Variants in FAM133A observed in about 807,000 individuals in gnomAD.
The protein encoded by FAM133A is family with sequence similarity 133 member A, also known as protein FAM133A.
For missense variants in FAM133A, 159 were observed against 164.4 expected, an observed-to-expected ratio of 0.97 and a Z score of 0.18; for synonymous variants, 65 against 58.6, an observed-to-expected ratio of 1.11 and a Z score of -0.50.
chrX:93,691,427 T>C (rs1006605233), intron 2 of FAM133A, among the ~76,000 whole-genome samples: 10 of 112,274 alleles, frequency 8.9e-5, no homozygotes, highest in African/African-American at 2.9e-4. Context: ...GAAATGTCTT[T>C]GTCCTTTTGT....
intron 3 of FAM133A, among the ~76,000 whole-genome samples, chrX:93,702,840 A>T (rs1434668916): frequency 1.1e-4 from 1 of 8,971 alleles, no homozygotes; most frequent in Non-Finnish European, 1.8e-4. Flanking sequence ...GCTATGATAA[A>T]AAAAAAAAAA....
chrX:93,697,188 T>A (rs1179393736), intron 2 of FAM133A, among the ~76,000 whole-genome samples: 412 of 44,184 alleles, frequency 9.3e-3, no homozygotes, highest in Non-Finnish European at 0.018. Context: ...TATATATATA[T>A]ATAATATATC....
At chrX:93,694,775 A>C (rs1164381039) in intron 2 of FAM133A, among the ~76,000 whole-genome samples, 3 of 110,946 alleles carry the variant, frequency 2.7e-5, no homozygotes, top group Non-Finnish European at 5.7e-5. Context: ...TGATCATTAA[A>C]AAAATCTACT....
chrX:93,690,820 A>G (rs1925837723), intron 2 of FAM133A, among the ~76,000 whole-genome samples: 2 of 111,714 alleles, frequency 1.8e-5, no homozygotes, highest in Non-Finnish European at 3.8e-5. Context: ...ATGTGGCTGT[A>G]CTATATGACA....
intron 3 of FAM133A, among the ~76,000 whole-genome samples, chrX:93,699,048 T>C (rs551721544): frequency 2.7e-5 from 3 of 111,127 alleles, no homozygotes; most frequent in Admixed American, 1.9e-4. Flanking sequence ...GAAAAGGTCT[T>C]GGGCAGAGGG....
rs760026337 is a variant in FAM133A at position 93,709,606 on chromosome X, G to GA, written c.193dup (p.Met65AsnfsTer3). On this transcript the variant is annotated frameshift_variant, in exon 4 of 4. Coordinates refer to ENST00000683942, the MANE Select transcript of FAM133A (RefSeq NM_001171109.2). LOFTEE classifies it low-confidence loss of function (END_TRUNC). ...TTCAAAAGCATTAGCTGAATTTGAAGAAAAAATGAATGAAAATTGGAAGAA... is the reference window on the plus strand; with the variant it reads ...TTCAAAAGCATTAGCTGAATTTGAAGAAAAAAATGAATGAAAATTGGAAGAA... 3 of 1,189,570 alleles carry GA rather than the reference G, an allele frequency of 2.5e-6. No homozygotes were observed. The highest frequency in any genetic ancestry group is 3.4e-6 in the Non-Finnish European group (3 of 887,728).
intron 2 of FAM133A, among the ~76,000 whole-genome samples, chrX:93,696,964 A>C (rs2147636836): frequency 9.1e-6 from 1 of 109,753 alleles, no homozygotes; most frequent in Non-Finnish European, 1.9e-5. Flanking sequence ...GGTTACAACC[A>C]GGAAGTGTAC....
intron 2 of FAM133A, among the ~76,000 whole-genome samples, chrX:93,675,510 A>C (rs927906263): frequency 3.6e-5 from 4 of 111,350 alleles, no homozygotes; most frequent in Non-Finnish European, 5.7e-5. Flanking sequence ...CCTTAAATAC[A>C]TACTATTTTC....
intron 2 of FAM133A, among the ~76,000 whole-genome samples, chrX:93,675,397 C>T (rs781088902): frequency 1.8e-5 from 2 of 111,413 alleles, no homozygotes; most frequent in Non-Finnish European, 3.8e-5. Flanking sequence ...GGCAAATGAT[C>T]GACATCTTAT....
At position 93,711,011 on chromosome X, in the gene FAM133A, A is replaced by G. The variant is rs1927415239; in HGVS notation, c.*845A>G. On this transcript the variant is annotated 3_prime_UTR_variant, in exon 4 of 4. Coordinates refer to ENST00000683942, the MANE Select transcript of FAM133A (RefSeq NM_001171109.2). ...TTCTGAAATTTTTTTTGCATGTTTT[A>G]TACTGTTAAGTTTTAATTATCTGAC... The G allele has an allele frequency of 8.1e-6, 1 of 122,827 alleles. No individual in the cohort carries two copies. The highest frequency in any genetic ancestry group is 1.9e-5 in the Non-Finnish European group (1 of 53,139). The allele number at this position is 122,827 out of a possible 1,213,427, so 10.1% of individuals were successfully genotyped here. A position where few individuals can be genotyped will look rare whatever the true frequency, so the allele number is the denominator to read the frequency against.
At chrX:93,683,666 A>G (rs928422771) in intron 2 of FAM133A, among the ~76,000 whole-genome samples, 2 of 111,484 alleles carry the variant, frequency 1.8e-5, no homozygotes, top group African/African-American at 6.5e-5. Context: ...ATGCATCATC[A>G]CCTGCATTTG....
intron 2 of FAM133A, among the ~76,000 whole-genome samples, chrX:93,681,388 G>T (rs1925147447): frequency 9.0e-6 from 1 of 110,701 alleles, no homozygotes; most frequent in South Asian, 3.7e-4. Context: ...ATTTTCTGCT[G>T]ATTTTTTTCC....
At chrX:93,700,428 G>A (rs1926616506) in intron 3 of FAM133A, among the ~76,000 whole-genome samples, 1 of 111,308 alleles carries the variant, frequency 9.0e-6, no homozygotes, top group African/African-American at 3.3e-5. Context: ...CTACATTCAG[G>A]TTATATATTT....
rs1925852773 is a variant in FAM133A at position 93,691,047 on chromosome X, A to G, written c.-192-7350A>G. Among the ~76,000 whole-genome samples, 7 of 111,930 alleles carry G rather than the reference A, an allele frequency of 6.3e-5. No individual in the cohort carries two copies. The Admixed American group carries it at 6.7e-4, about 11-fold the overall frequency. On this transcript the variant is annotated intron_variant, in intron 2 of 3. Coordinates refer to ENST00000683942, the MANE Select transcript of FAM133A (RefSeq NM_001171109.2). ...TGGTCTTAAAAATTATTGACTTGTA[A>G]GAGTTTTTCAAATATTCTGGATATG... is the stretch of plus-strand genomic sequence containing the variant.
intron 2 of FAM133A, among the ~76,000 whole-genome samples, chrX:93,684,783 T>C (rs1280190920): frequency 8.9e-6 from 1 of 112,085 alleles, no homozygotes; most frequent in African/African-American, 3.2e-5. Flanking sequence ...AAAACAAACA[T>C]TTAACACAAT....
intron 2 of FAM133A, among the ~76,000 whole-genome samples, chrX:93,675,664 C>T (rs1473559800): frequency 9.0e-6 from 1 of 111,179 alleles, no homozygotes; most frequent in Non-Finnish European, 1.9e-5. Flanking sequence ...TACATATTGC[C>T]AAACTCTCTG....
intron 2 of FAM133A, among the ~76,000 whole-genome samples, chrX:93,677,339 G>A (rs959336787): frequency 9.9e-5 from 11 of 111,120 alleles, no homozygotes; most frequent in Non-Finnish European, 1.7e-4. Flanking sequence ...AATGACAAGT[G>A]TAGCAGCATT....
At position 93,711,626 on chromosome X, in the gene FAM133A, G is replaced by A. The variant is rs1927448768; in HGVS notation, c.*1460G>A. 1 of 122,382 alleles carries A rather than the reference G, an allele frequency of 8.2e-6. No individual in the cohort carries two copies. The highest frequency in any genetic ancestry group is 3.8e-4 in the South Asian group (1 of 2,651). The allele number at this position is 122,382 out of a possible 1,213,427, so 10.1% of individuals were successfully genotyped here. ...GCTCAATAGCTATTGTTTTTCAATA[G>A]CAGATTTTATCTCGGCTACCTTCAA... On this transcript the variant is annotated 3_prime_UTR_variant, in exon 4 of 4. Coordinates refer to ENST00000683942, the MANE Select transcript of FAM133A (RefSeq NM_001171109.2).
chrX:93,711,733 C>A lies in FAM133A; in HGVS notation c.*1567C>A, dbSNP rs1271631567. On this transcript the variant is annotated 3_prime_UTR_variant, in exon 4 of 4. Transcript: ENST00000683942. ...TTTTTTGCATTGGAAATACTGGAAT[C>A]TCTCATTAAAGTTCTTGGAACATTA... 8.1e-6 allele frequency: 1 copy of A among 122,807 alleles called. No individual in the cohort carries two copies. The highest frequency in any genetic ancestry group is 3.7e-4 in the South Asian group (1 of 2,679). The allele number at this position is 122,807 out of a possible 1,213,427, so 10.1% of individuals were successfully genotyped here.
Sources: gnomAD v4.1 joint callset for allele counts (sites outside exome capture counted in the v4.1 genomes callset) on GRCh38, gnomAD v4.1.1 for gene constraint, MANE v1.5 for transcripts, NCBI Gene and HGNC (gene_info 2026-07-23, HGNC 2026-07-21) for gene names.